BCAS3: variants seen among roughly 807,000 people sequenced by gnomAD.
The protein encoded by BCAS3 is BCAS3 microtubule associated cell migration factor.
BCAS3 carries 53 observed loss-of-function variants against 116.1 expected under a neutral mutation model. The observed-to-expected ratio is 0.46, with a 90% CI of 0.37 to 0.57. The LOEUF is 0.57. Ranked by LOEUF, BCAS3 falls within the 20% of genes least tolerant of loss-of-function variation. BCAS3 has a pLI of 0.00. For missense variants in BCAS3, 917 were observed against 1,165.4 expected (o/e 0.79, Z 3.10); for synonymous variants, 391 against 408.2 (o/e 0.96, Z 0.51).
rs577798310 is a variant in BCAS3, at chr17:61,222,495, C to T, written c.2425+137931C>T. Among the ~76,000 whole-genome samples, 4 of 152,166 alleles carry T rather than the reference C, an allele frequency of 2.6e-5. No individual in the cohort carries two copies. The highest frequency in any genetic ancestry group is 4.1e-4 in the South Asian group (2 of 4,830). ...AAAGGACTCGTAGCATTCCTCTTTT[C>T]GCTGTTGCTCAGCGGTGTTTGCCTG... On this transcript the variant is annotated intron_variant, in intron 22 of 23. Transcript: ENST00000407086. The surrounding 1 kb of genome is among the most constrained non-coding windows in gnomAD (Gnocchi z 6.1).
chr17:61,042,020 C>T lies in BCAS3; in HGVS notation c.2029+1128C>T, dbSNP rs144120970. On this transcript the variant is annotated intron_variant, in intron 19 of 23. Coordinates refer to ENST00000407086, the MANE Select transcript of BCAS3 (RefSeq NM_017679.5). ...TGTCAGTGGAGGGTTATAAATTGAA[C>T]TGTGAGAGCAGTGACGTGTGTTGCC... Among the ~76,000 whole-genome samples the T allele has an allele frequency of 2.6e-3, 402 of 152,088 alleles. 5 individuals are homozygous for T. Among genetic ancestry groups the T allele is most frequent in the African/African-American group, 9.3e-3 (388 of 41,508 alleles).
chr17:61,261,933 G>A lies in BCAS3; in HGVS notation c.2426-106394G>A, dbSNP rs923648314. On this transcript the variant is annotated intron_variant, in intron 22 of 23. Coordinates refer to ENST00000407086, the MANE Select transcript of BCAS3 (RefSeq NM_017679.5). This position sits in a 1 kb window ranked among gnomAD's most constrained non-coding sequence, Gnocchi z 4.4. ...TTTAGAATTTAGGATGGTTTTCCTAGTGAAGAGAAAGCTAAGAGAGATGAG... is the reference window on the plus strand; with the variant it reads ...TTTAGAATTTAGGATGGTTTTCCTAATGAAGAGAAAGCTAAGAGAGATGAG... Among the ~76,000 whole-genome samples the A allele has an allele frequency of 3.9e-5, 6 of 152,172 alleles. No individual in the cohort carries two copies. The highest frequency in any genetic ancestry group is 1.4e-4 in the African/African-American group (6 of 41,428).
chr17:61,337,239 T>C lies in BCAS3; in HGVS notation c.2426-31088T>C, dbSNP rs1227225958. Among the ~76,000 whole-genome samples the C allele has an allele frequency of 6.6e-6, 1 of 152,214 alleles. No homozygotes were observed. Among genetic ancestry groups the C allele is most frequent in the Non-Finnish European group, 1.5e-5 (1 of 68,042 alleles). ...GGAACAGGGACGTGAGCCATGTCAG[T>C]GTCTGTAAATAGAGGCAGTTGCAGG... On this transcript the variant is annotated intron_variant, in intron 22 of 23. Transcript: ENST00000407086. This position sits in a 1 kb window ranked among gnomAD's most constrained non-coding sequence, Gnocchi z 4.8.
At chr17:61,170,259 A>G (rs542704648) in intron 22 of BCAS3, among the ~76,000 whole-genome samples, 2 of 150,884 alleles carry the variant, frequency 1.3e-5, no homozygotes, top group South Asian at 2.1e-4. Flanking sequence ...AAACTGAACA[A>G]TGATATGATG....
rs1297536216 is a variant in BCAS3 at position 60,962,132 on chromosome 17, G to A, written c.1221+14780G>A. ...CCATATTTTGGCTATTGTGAACAGT[G>A]CTGCAATAAACATGGAAGTACAGAT... On this transcript the variant is annotated intron_variant, in intron 14 of 23. Coordinates refer to ENST00000407086, the MANE Select transcript of BCAS3 (RefSeq NM_017679.5). The surrounding 1 kb of genome is among the most constrained non-coding windows in gnomAD (Gnocchi z 4.4). Among the ~76,000 whole-genome samples, 2 of 152,122 alleles carry A rather than the reference G, an allele frequency of 1.3e-5. No individual in the cohort carries two copies. The highest frequency in any genetic ancestry group is 2.9e-5 in the Non-Finnish European group (2 of 68,010).
At chr17:60,849,362 A>G (rs2052847884) in intron 7 of BCAS3, among the ~76,000 whole-genome samples, 1 of 151,856 alleles carries the variant, frequency 6.6e-6, no homozygotes, top group African/African-American at 2.4e-5. Context: ...TGTACTTCAC[A>G]AATTCAGTTT....
At chr17:60,687,676 A>G (rs1568016241) in intron 3 of BCAS3, among the ~76,000 whole-genome samples, 1 of 152,136 alleles carries the variant, frequency 6.6e-6, no homozygotes, top group East Asian at 1.9e-4. Context: ...TAGAAGGGCA[A>G]TAGGTGAGTC....
chr17:61,209,849 T>C (rs1251639955), intron 22 of BCAS3, among the ~76,000 whole-genome samples: 2 of 152,202 alleles, frequency 1.3e-5, no homozygotes, highest in Non-Finnish European at 2.9e-5. Flanking sequence ...GGCCCTATGT[T>C]TAATAGAACA....
chr17:60,921,458 A>C (rs1367464664), intron 12 of BCAS3, among the ~76,000 whole-genome samples: 1 of 151,818 alleles, frequency 6.6e-6, no homozygotes, highest in Admixed American at 6.6e-5. Context: ...CTAAAAATAC[A>C]AAAAATTAGC....
intron 7 of BCAS3, among the ~76,000 whole-genome samples, chr17:60,865,461 A>T (rs1188752785): frequency 1.3e-5 from 2 of 152,164 alleles, no homozygotes; most frequent in African/African-American, 4.8e-5. Flanking sequence ...GATTTATTTT[A>T]TCTGCATGTT....
chr17:61,253,355 G>T (rs189720495), intron 22 of BCAS3, among the ~76,000 whole-genome samples: 205 of 151,266 alleles, frequency 1.4e-3, no homozygotes, highest in Non-Finnish European at 2.4e-3. Flanking sequence ...GAGTTGGAGA[G>T]AATATATATA....
Position 61,002,269 on chromosome 17 carries a change from T to C in BCAS3, c.1486+12034T>C, listed in dbSNP as rs550463982. ...TTGGATATAACACATTTCTTTTCTC[T>C]GTAAGTTTTGCCTTTAAATAAATGC... On this transcript the variant is annotated intron_variant, in intron 15 of 23. Transcript: ENST00000407086. Among the ~76,000 whole-genome samples the C allele has an allele frequency of 3.3e-5, 5 of 152,300 alleles. No individual in the cohort carries two copies. In the South Asian group the frequency reaches 8.3e-4, roughly 25 times the overall value.
At chr17:61,107,224 T>C (rs1372138476) in intron 22 of BCAS3, among the ~76,000 whole-genome samples, 2 of 151,732 alleles carry the variant, frequency 1.3e-5, no homozygotes, top group Non-Finnish European at 2.9e-5. Flanking sequence ...GTAGCTGGGA[T>C]TACAGGTGTG....
At chr17:61,231,830 A>G (rs948294822) in intron 22 of BCAS3, among the ~76,000 whole-genome samples, 3 of 142,474 alleles carry the variant, frequency 2.1e-5, no homozygotes, top group African/African-American at 7.7e-5. Context: ...GTGAGCCATG[A>G]TTGCACCACT....
chr17:60,765,100 G>C, intron 6 of BCAS3, among the ~76,000 whole-genome samples: 1 of 152,072 alleles, frequency 6.6e-6, no homozygotes, highest in African/African-American at 2.4e-5. Context: ...ATGTGAGCTG[G>C]GTCTCCTGAA....
rs2043408958 is a variant in BCAS3 at position 60,760,401 on chromosome 17, C to A, written c.403+13122C>A. 6.2e-5 allele frequency among the ~76,000 whole-genome samples: 8 copies of A among 129,568 alleles called. No homozygotes were observed. In the South Asian group the frequency reaches 1.7e-3, roughly 27 times the overall value. The allele number at this position is 129,568 out of a possible 152,430, so 85.0% of individuals were successfully genotyped here. A position where few individuals can be genotyped will look rare whatever the true frequency, so the allele number is the denominator to read the frequency against. ...AGGCCTAGTCTAGTGGTGATGAATT[C>A]CCCCAGCTTTTGTTATCTTGGAAAG... On this transcript the variant is annotated intron_variant, in intron 6 of 23. Transcript: ENST00000407086.
chr17:60,710,470 T>G (rs182336522), intron 5 of BCAS3, among the ~76,000 whole-genome samples: 1 of 151,296 alleles, frequency 6.6e-6, no homozygotes, highest in Non-Finnish European at 1.5e-5. Context: ...TTCACTCTGT[T>G]GCCCAGGCTG....
At chr17:61,045,292 T>G (rs946782750) in intron 19 of BCAS3, among the ~76,000 whole-genome samples, 5 of 151,844 alleles carry the variant, frequency 3.3e-5, no homozygotes, top group Non-Finnish European at 7.4e-5. Context: ...GAAGATTGTT[T>G]GTGGCCAGAA....
At chr17:60,809,929 A>G (rs1169333050) in intron 7 of BCAS3, among the ~76,000 whole-genome samples, 1 of 152,248 alleles carries the variant, frequency 6.6e-6, no homozygotes, top group African/African-American at 2.4e-5. Flanking sequence ...AAAAGAAATA[A>G]TAAAACTGAA....
Sources: gnomAD v4.1 joint callset for allele counts (sites outside exome capture counted in the v4.1 genomes callset) on GRCh38, gnomAD v4.1.1 for gene constraint, Gnocchi (gnomAD v3.1) non-coding constraint, MANE v1.5 for transcripts, NCBI Gene and HGNC (gene_info 2026-07-23, HGNC 2026-07-21) for gene names.